SAMSN1: variants seen among roughly 807,000 people sequenced by gnomAD.
SAMSN1 encodes the protein SAM domain, SH3 domain and nuclear localization signals 1.
SAMSN1 carries 31 observed loss-of-function variants against 42.0 expected under a neutral mutation model. The observed-to-expected ratio is 0.74, with a 90% CI of 0.55 to 1.00. The LOEUF (loss-of-function observed/expected upper bound fraction) is 1.00, where lower values mean the gene tolerates loss of function less well. Ranked by LOEUF, SAMSN1 falls within the 50% of genes least tolerant of loss-of-function variation. SAMSN1 has a pLI of 0.00. For synonymous variants in SAMSN1, 178 were observed against 151.9 expected (o/e 1.17, Z -1.26); for missense variants, 464 against 439.4 (o/e 1.06, Z -0.50).
At chr21:14,513,191 AACATCTCCAATG>A (rs1371967525) in intron 3 of SAMSN1, among the ~76,000 whole-genome samples, 2 of 152,244 alleles carry the variant, frequency 1.3e-5, no homozygotes, top group East Asian at 3.8e-4. Context: ...TTTTCTTGAA[AACATCTCCAATG>A]TTTTCCATAT....
chr21:14,528,420 C>T (rs1012148535), intron 1 of SAMSN1, among the ~76,000 whole-genome samples: 1 of 152,096 alleles, frequency 6.6e-6, no homozygotes, highest in African/African-American at 2.4e-5. Context: ...TATGCCTGCC[C>T]CAGCCCATAA....
intron 2 of SAMSN1, among the ~76,000 whole-genome samples, chr21:14,616,576 G>T (rs1166684681): frequency 6.6e-6 from 1 of 152,148 alleles, no homozygotes; most frequent in Non-Finnish European, 1.5e-5. Context: ...CACTTTTGGG[G>T]AAAGAATTTG....
intron 2 of SAMSN1, among the ~76,000 whole-genome samples, chr21:14,576,641 G>A (rs1007741156): frequency 1.4e-5 from 2 of 144,554 alleles, no homozygotes; most frequent in African/African-American, 5.8e-5. Flanking sequence ...AAACAGTTGC[G>A]TAAAGAATTT....
At chr21:14,556,419 C>T (rs1358014703) in intron 2 of SAMSN1, among the ~76,000 whole-genome samples, 1 of 152,018 alleles carries the variant, frequency 6.6e-6, no homozygotes, top group Non-Finnish European at 1.5e-5. Flanking sequence ...AAATGTGTAT[C>T]ACAGCTAAAT....
chr21:14,493,948 TA>T (rs1276983805), intron 7 of SAMSN1, among the ~76,000 whole-genome samples: 1 of 152,164 alleles, frequency 6.6e-6, no homozygotes, highest in African/African-American at 2.4e-5. Flanking sequence ...TAACGCCACA[TA>T]CCAGCCCTTT....
At chr21:14,658,001 C>T (rs942225690) in intron 1 of SAMSN1, among the ~76,000 whole-genome samples, 3 of 151,806 alleles carry the variant, frequency 2.0e-5, no homozygotes, top group African/African-American at 7.2e-5. Flanking sequence ...CTCCCATCGA[C>T]ATCTTGAAAA....
intron 7 of SAMSN1, among the ~76,000 whole-genome samples, chr21:14,488,582 A>T (rs1433177497): frequency 6.6e-6 from 1 of 152,198 alleles, no homozygotes; most frequent in Non-Finnish European, 1.5e-5. Context: ...AGAATATGTC[A>T]TTGTGTAATA....
intron 2 of SAMSN1, among the ~76,000 whole-genome samples, chr21:14,616,994 T>C (rs1982855494): frequency 6.6e-6 from 1 of 152,214 alleles, no homozygotes; most frequent in South Asian, 2.1e-4. Flanking sequence ...TCAAGATTTT[T>C]AACTGCAGAG....
At chr21:14,612,686 G>T (rs1237065063) in intron 4 of SAMSN1, 1 of 648,268 alleles carries the variant, frequency 1.5e-6, no homozygotes, top group Non-Finnish European at 2.9e-6. Flanking sequence ...ATAAATCAAT[G>T]ATTTCTTTGT....
At chr21:14,491,478 A>C (rs1986682563) in intron 7 of SAMSN1, among the ~76,000 whole-genome samples, 1 of 152,322 alleles carries the variant, frequency 6.6e-6, no homozygotes, top group East Asian at 1.9e-4. Flanking sequence ...TACCAGAAGA[A>C]AAGTATCATT....
At chr21:14,586,262 C>CAAAAAA (rs67482796), upstream of SAMSN1, among the ~76,000 whole-genome samples, 112 of 50,468 alleles carry the variant, frequency 2.2e-3, no homozygotes, top group Non-Finnish European at 2.6e-3. Flanking sequence ...GACTCCATCT[C>CAAAAAA]AAAAAAAAAA....
intron 3 of SAMSN1, among the ~76,000 whole-genome samples, chr21:14,613,212 G>A (rs1982754309): frequency 6.6e-6 from 1 of 152,108 alleles, no homozygotes; most frequent in Non-Finnish European, 1.5e-5. Flanking sequence ...TTACTAGGGG[G>A]GAAGTGCTTT....
At chr21:14,600,090 T>C (rs190379858) in intron 6 of SAMSN1, among the ~76,000 whole-genome samples, 1 of 152,260 alleles carries the variant, frequency 6.6e-6, no homozygotes, top group Non-Finnish European at 1.5e-5. Context: ...ATACAGACAG[T>C]TCTCAGATAC....
At chr21:14,577,268 A>G (rs867129351) in intron 2 of SAMSN1, among the ~76,000 whole-genome samples, 13 of 45,862 alleles carry the variant, frequency 2.8e-4, no homozygotes, top group Non-Finnish European at 4.3e-4. Flanking sequence ...ATATATATAT[A>G]TATATATATA....
At chr21:14,639,020 TAGG>T (rs1983532804) in intron 2 of SAMSN1, among the ~76,000 whole-genome samples, 1 of 152,216 alleles carries the variant, frequency 6.6e-6, no homozygotes, top group South Asian at 2.1e-4. Flanking sequence ...ATATGAATAA[TAGG>T]AACAATGCCT....
chr21:14,505,764 C>T (rs1180826896), intron 5 of SAMSN1, among the ~76,000 whole-genome samples: 2 of 152,248 alleles, frequency 1.3e-5, no homozygotes, highest in East Asian at 1.9e-4. Context: ...CAGATACATA[C>T]AGAACATTCC....
At chr21:14,539,498 AACAG>A (rs1052083933) in intron 1 of SAMSN1, among the ~76,000 whole-genome samples, 1 of 152,108 alleles carries the variant, frequency 6.6e-6, no homozygotes, top group Non-Finnish European at 1.5e-5. Flanking sequence ...ACACACCAAT[AACAG>A]ACAAACAGAG....
chr21:14,572,784 T>C (rs1331954271), intron 2 of SAMSN1, among the ~76,000 whole-genome samples: 1 of 152,124 alleles, frequency 6.6e-6, no homozygotes, highest in Non-Finnish European at 1.5e-5. Context: ...GGAGCTGATG[T>C]CTCCATTTTT....
intron 4 of SAMSN1, 31 bp from the exon 5 acceptor site, chr21:14,510,492 G>C (rs754184102): frequency 6.3e-5 from 101 of 1,612,458 alleles, no homozygotes; most frequent in Non-Finnish European, 8.5e-5. Context: ...CAGTTGTCAT[G>C]GAAGACTTAT....
Sources: allele counts gnomAD v4.1 joint callset (sites outside exome capture counted in the v4.1 genomes callset), GRCh38; gene constraint gnomAD v4.1.1; transcripts MANE v1.5; gene names NCBI Gene and HGNC (gene_info 2026-07-23, HGNC 2026-07-21).